Variants in MAGI1 observed in about 807,000 individuals in gnomAD.
MAGI1 encodes the protein membrane associated guanylate kinase, WW and PDZ domain containing 1.
Under a neutral mutation model 139.9 loss-of-function variants are expected in MAGI1, and 58 were observed. That is an observed-to-expected ratio of 0.41 (90% CI 0.34 to 0.52). The LOEUF is 0.52. Among genes scored for constraint, MAGI1 ranks in the 20% least tolerant of loss-of-function variants. MAGI1 has a pLI of 0.12. For missense variants in MAGI1, 1,874 were observed against 1,901.6 expected (o/e 0.99, Z 0.27); for synonymous variants, 812 against 737.9 (o/e 1.10, Z -1.63).
At chr3:65,963,709 C>A (rs980448489) in intron 1 of MAGI1, among the ~76,000 whole-genome samples, 1 of 152,106 alleles carries the variant, frequency 6.6e-6, no homozygotes, top group African/African-American at 2.4e-5. Flanking sequence ...TTTAAAAGGG[C>A]CCTATGCGAA....
At chr3:65,428,373 A>C (rs1947220068) in intron 12 of MAGI1, among the ~76,000 whole-genome samples, 1 of 152,186 alleles carries the variant, frequency 6.6e-6, no homozygotes, top group Admixed American at 6.5e-5. Context: ...AATATGGTGG[A>C]AAGTATTGCT....
chr3:65,381,515 C>A (rs761280601), intron 16 of MAGI1, among the ~76,000 whole-genome samples: 7 of 151,918 alleles, frequency 4.6e-5, no homozygotes, highest in Non-Finnish European at 8.8e-5. Context: ...ATTTTTGTTC[C>A]CTTGATATGA....
At chr3:65,674,977 G>A (rs1447646722) in intron 1 of MAGI1, among the ~76,000 whole-genome samples, 1 of 152,058 alleles carries the variant, frequency 6.6e-6, no homozygotes, top group Non-Finnish European at 1.5e-5. Context: ...CAGGAGAGAG[G>A]GCTCCATTGA....
chr3:65,615,231 G>A (rs1458944906), intron 2 of MAGI1, among the ~76,000 whole-genome samples: 3 of 152,038 alleles, frequency 2.0e-5, no homozygotes, highest in African/African-American at 4.8e-5. Flanking sequence ...TGTTAACAAG[G>A]GGACTGTTAA....
intron 1 of MAGI1, among the ~76,000 whole-genome samples, chr3:65,793,198 T>C (rs977346649): frequency 2.0e-5 from 3 of 152,230 alleles, no homozygotes; most frequent in African/African-American, 7.2e-5. Context: ...TTCATCACAT[T>C]ATCAGGTGTG....
intron 13 of MAGI1, among the ~76,000 whole-genome samples, chr3:65,401,132 G>A (rs981087215): frequency 5.3e-5 from 8 of 151,992 alleles, no homozygotes; most frequent in African/African-American, 1.7e-4. Flanking sequence ...AAGTGAAAAC[G>A]GCTAAGAAAC....
chr3:65,821,785 T>C (rs2041964773), intron 1 of MAGI1, among the ~76,000 whole-genome samples: 1 of 152,128 alleles, frequency 6.6e-6, no homozygotes, highest in African/African-American at 2.4e-5. Flanking sequence ...CATATTCAGA[T>C]GTGGGCAAAA....
chr3:65,637,551 C>CAA (rs1559743275), intron 1 of MAGI1, among the ~76,000 whole-genome samples: 2 of 94,526 alleles, frequency 2.1e-5, no homozygotes, highest in African/African-American at 8.9e-5. Flanking sequence ...GACCCTGTCT[C>CAA]CAAAAAAAGA....
intron 5 of MAGI1, among the ~76,000 whole-genome samples, chr3:65,460,104 G>A (rs373651053): frequency 5.9e-5 from 9 of 152,222 alleles, no homozygotes; most frequent in East Asian, 5.8e-4. Flanking sequence ...TTTCCCATGT[G>A]AAGACTGCTG....
rs1360105806 is a variant in MAGI1, at chr3:65,385,425, T to C, written c.2417-1802A>G. On this transcript the variant is annotated intron_variant, in intron 14 of 22. Transcript: ENST00000402939. ...CTATAGTGCATACCTTCTTATTTAATTAACTGGATTTGGGGCTGAAGGAAA... is the reference window on the plus strand; with the variant it reads ...CTATAGTGCATACCTTCTTATTTAACTAACTGGATTTGGGGCTGAAGGAAA... Among the ~76,000 whole-genome samples the C allele has an allele frequency of 6.6e-5, 10 of 152,342 alleles. No homozygotes were observed. In the East Asian group the frequency reaches 1.9e-3, roughly 29 times the overall value.
At position 66,038,027 on chromosome 3, in the gene MAGI1, C is replaced by G; in HGVS notation, c.282G>C (p.Lys94Asn). The stretch of plus-strand genomic sequence containing the variant: ...TGACGGCCTTGAAGGTGACGGCCTC[C>G]TTGCAGCTGTCGATGACCCCCAGCA... ...YDVLGVIDSC[K>N]EAVTFKAVRQ... The change falls in exon 1 of 23, where the codon AAG becomes AAC. Residue 94 changes from lysine to asparagine, a missense_variant. Lys to Asn is a moderately conservative substitution (Grantham distance 94). This residue lies in a region of MAGI1 where 648 missense variants were observed against 598.1 expected (regional missense o/e 1.08). Transcript: ENST00000402939. 1 of 1,603,324 alleles carries G rather than the reference C, an allele frequency of 6.2e-7. No individual in the cohort carries two copies. Among genetic ancestry groups the G allele is most frequent in the Non-Finnish European group, 8.5e-7 (1 of 1,174,132 alleles).
intron 1 of MAGI1, among the ~76,000 whole-genome samples, chr3:65,989,989 C>A (rs1363978249): frequency 2.0e-5 from 3 of 152,046 alleles, no homozygotes; most frequent in Non-Finnish European, 4.4e-5. Context: ...ATAAATAAAA[C>A]TGGTTCAGGT....
intron 1 of MAGI1, among the ~76,000 whole-genome samples, chr3:65,931,039 C>CTT (rs71105954): frequency 1.0e-4 from 15 of 147,582 alleles, no homozygotes; most frequent in East Asian, 5.9e-4. Flanking sequence ...TTGCTTGCTT[C>CTT]TTTTTTTTTT....
chr3:65,873,900 T>C (rs888867301), intron 1 of MAGI1: 1 of 151,862 alleles, frequency 6.6e-6, no homozygotes, highest in Non-Finnish European at 1.5e-5. Flanking sequence ...AAACCCTGGG[T>C]CAGGTGAAGC....
chr3:65,618,826 G>A (rs1036881700), intron 2 of MAGI1, among the ~76,000 whole-genome samples: 2 of 152,116 alleles, frequency 1.3e-5, no homozygotes, highest in Non-Finnish European at 2.9e-5. Flanking sequence ...AAGGGTCAAC[G>A]AGATTCAGAG....
At chr3:65,671,632 T>C (rs1266025306) in intron 1 of MAGI1, among the ~76,000 whole-genome samples, 3 of 152,260 alleles carry the variant, frequency 2.0e-5, no homozygotes, top group East Asian at 1.9e-4. Flanking sequence ...AGGGGTCCCA[T>C]AGAATAGTCC....
chr3:65,515,399 C>A (rs369748995), intron 2 of MAGI1, among the ~76,000 whole-genome samples: 15 of 151,420 alleles, frequency 9.9e-5, no homozygotes, highest in African/African-American at 3.2e-4. Context: ...TTTACATAAG[C>A]AAAACAGAAA....
chr3:65,425,108 T>TAAAAAAAAAA (rs72030632), intron 12 of MAGI1, among the ~76,000 whole-genome samples: 22 of 66,560 alleles, frequency 3.3e-4, no homozygotes, highest in African/African-American at 6.7e-4. Context: ...GTAGAACTTC[T>TAAAAAAAAAA]AAAAAAAAAA....
chr3:65,508,517 T>C lies in MAGI1; in HGVS notation c.431-14886A>G, dbSNP rs960565382. 5.9e-4 allele frequency among the ~76,000 whole-genome samples: 90 copies of C among 152,272 alleles called. 1 individual carries two copies. Among genetic ancestry groups the C allele is most frequent in the African/African-American group, 2.0e-3 (85 of 41,550 alleles). On this transcript the variant is annotated intron_variant, in intron 2 of 22. Coordinates refer to ENST00000402939, the MANE Select transcript of MAGI1 (RefSeq NM_001033057.2). ...GTCTTTAAATAGAATCTAATAGAAA[T>C]TGGGCCTTTTCAAACAAGCCTTCCT...
Sources: allele counts gnomAD v4.1 joint callset (sites outside exome capture counted in the v4.1 genomes callset), GRCh38; gene constraint gnomAD v4.1.1; regional missense constraint gnomAD v4.1.1; transcripts MANE v1.5; gene names NCBI Gene and HGNC (gene_info 2026-07-23, HGNC 2026-07-21).